TSPAN18: variants seen among roughly 807,000 people sequenced by gnomAD.
TSPAN18 encodes the protein tetraspanin-18.
In TSPAN18, 14 loss-of-function variants were observed where a neutral mutation model predicts 27.3. The observed-to-expected ratio is 0.51, with a 90% confidence interval of 0.34 to 0.80. TSPAN18 has a LOEUF of 0.80. Ranked by LOEUF, TSPAN18 falls within the 30% of genes least tolerant of loss-of-function variation. TSPAN18 has a pLI of 0.01. For synonymous variants in TSPAN18, 143 were observed against 136.5 expected (o/e 1.05, Z -0.33); for missense variants, 268 against 323.9 (o/e 0.83, Z 1.32).
intron 2 of TSPAN18, among the ~76,000 whole-genome samples, chr11:44,815,981 GTGCAGCACAAA>G (rs1480409043): frequency 3.4e-4 from 52 of 152,224 alleles, no homozygotes; most frequent in African/African-American, 1.2e-3. Context: ...CAGTGTCCGT[GTGCAGCACAAA>G]TGCAGTGGGG....
At chr11:44,738,444 T>G (rs977040015) in intron 1 of TSPAN18, among the ~76,000 whole-genome samples, 2 of 152,234 alleles carry the variant, frequency 1.3e-5, no homozygotes, top group South Asian at 2.1e-4. Flanking sequence ...CTGTGCCTCA[T>G]TTTCCCATCA....
chr11:44,823,408 G>A (rs1000133459), intron 2 of TSPAN18, among the ~76,000 whole-genome samples: 3 of 152,204 alleles, frequency 2.0e-5, no homozygotes, highest in East Asian at 3.9e-4. Context: ...GAAGTCGGGT[G>A]GTTTCTCTCC....
intron 1 of TSPAN18, among the ~76,000 whole-genome samples, chr11:44,732,657 TG>T (rs1854691572): frequency 6.6e-6 from 1 of 152,124 alleles, no homozygotes; most frequent in Non-Finnish European, 1.5e-5. Context: ...AAGAGTTTTT[TG>T]GGACATGGCT....
rs1491153962 is a variant in TSPAN18, at chr11:44,908,806, A to AG, written c.64-898dup. On this transcript the variant is annotated intron_variant, in intron 4 of 9. Coordinates refer to ENST00000520358, the MANE Select transcript of TSPAN18 (RefSeq NM_130783.5). ...AAGAAAGAAAGAAAGAAAGAAAGAAAGAAAGAAAGAAAGAAAGAAAGAAAA... is the reference window on the plus strand; with the variant it reads ...AAGAAAGAAAGAAAGAAAGAAAGAAAGGAAAGAAAGAAAGAAAGAAAGAAAA... 3.5e-5 allele frequency among the ~76,000 whole-genome samples: 4 copies of AG among 114,502 alleles called. 1 individual carries two copies. The highest frequency in any genetic ancestry group is 1.2e-4 in the African/African-American group (3 of 25,684). The allele number at this position is 114,502 out of a possible 152,430, so 75.1% of individuals were successfully genotyped here. A position where few individuals can be genotyped will look rare whatever the true frequency, so the allele number is the denominator to read the frequency against.
chr11:44,772,865 T>C (rs142453619), intron 2 of TSPAN18, among the ~76,000 whole-genome samples: 4 of 151,682 alleles, frequency 2.6e-5, no homozygotes, highest in African/African-American at 7.3e-5. Flanking sequence ...TCCGTGTTGG[T>C]CAGGCTGGTC....
At chr11:44,859,490 C>G (rs1220305554) in intron 2 of TSPAN18, 1 of 152,216 alleles carries the variant, frequency 6.6e-6, no homozygotes, top group East Asian at 1.9e-4. Flanking sequence ...GGACACCTGA[C>G]TTGCCTCTTC....
chr11:44,922,595 G>A (rs1229963185), intron 8 of TSPAN18, among the ~76,000 whole-genome samples: 1 of 152,166 alleles, frequency 6.6e-6, no homozygotes, highest in Non-Finnish European at 1.5e-5. Flanking sequence ...GGGTAGACAG[G>A]GGGCTTTTAT....
chr11:44,919,626 A>T, intron 7 of TSPAN18, 191 bp from the exon 8 acceptor site: 1 of 650,120 alleles, frequency 1.5e-6, no homozygotes, highest in Non-Finnish European at 2.7e-6. Flanking sequence ...CACCTCTGTT[A>T]TAGAGATGAG....
chr11:44,856,341 C>T (rs1164382905), intron 2 of TSPAN18, among the ~76,000 whole-genome samples: 1 of 152,212 alleles, frequency 6.6e-6, no homozygotes, highest in Non-Finnish European at 1.5e-5. Flanking sequence ...CCCACTCTGC[C>T]CCAACAGGCG....
At chr11:44,915,675 T>G (rs540446711) in intron 5 of TSPAN18, among the ~76,000 whole-genome samples, 1 of 152,238 alleles carries the variant, frequency 6.6e-6, no homozygotes, top group South Asian at 2.1e-4. Context: ...TCCCTGAGCC[T>G]CGCCCTGCAT....
chr11:44,860,761 C>T (rs183329852), intron 3 of TSPAN18, among the ~76,000 whole-genome samples: 1 of 152,260 alleles, frequency 6.6e-6, no homozygotes, highest in Non-Finnish European at 1.5e-5. Flanking sequence ...AGGTTGCTGG[C>T]CCATGCCCCT....
intron 4 of TSPAN18, among the ~76,000 whole-genome samples, chr11:44,907,921 A>G (rs1289212007): frequency 2.0e-5 from 3 of 152,036 alleles, no homozygotes; most frequent in African/African-American, 4.8e-5. Context: ...CATGCGTGGT[A>G]GCGGGTGCCT....
chr11:44,855,382 CTT>C (rs1857708225), intron 2 of TSPAN18, among the ~76,000 whole-genome samples: 1 of 152,084 alleles, frequency 6.6e-6, no homozygotes. Context: ...GCTTCAGTGT[CTT>C]TATTTGTAAT....
intron 3 of TSPAN18, among the ~76,000 whole-genome samples, chr11:44,866,153 CCAAGTGAACA>C (rs1858030628): frequency 6.6e-6 from 1 of 152,244 alleles, no homozygotes; most frequent in Non-Finnish European, 1.5e-5. Context: ...AGGCCCAGGT[CCAAGTGAACA>C]CAATTGGCAT....
intron 9 of TSPAN18, among the ~76,000 whole-genome samples, chr11:44,928,275 T>G (rs1305717320): frequency 6.6e-6 from 1 of 152,240 alleles, no homozygotes; most frequent in African/African-American, 2.4e-5. Flanking sequence ...GCAGTCCTGG[T>G]AACCTTTTAC....
At chr11:44,747,871 C>T (rs1397101997) in intron 1 of TSPAN18, among the ~76,000 whole-genome samples, 1 of 152,028 alleles carries the variant, frequency 6.6e-6, no homozygotes, top group African/African-American at 2.4e-5. Flanking sequence ...GTTTCCACTA[C>T]ACACACACAC....
chr11:44,755,364 CA>C (rs1855307276), intron 1 of TSPAN18, among the ~76,000 whole-genome samples: 1 of 152,154 alleles, frequency 6.6e-6, no homozygotes, highest in African/African-American at 2.4e-5. Context: ...CACAATTAAC[CA>C]GGCTGATTGG....
At chr11:44,738,610 G>A (rs1291892901) in intron 1 of TSPAN18, among the ~76,000 whole-genome samples, 2 of 152,226 alleles carry the variant, frequency 1.3e-5, no homozygotes, top group Admixed American at 6.5e-5. Context: ...CTTGGCTTGC[G>A]GATGGCCACT....
intron 2 of TSPAN18, among the ~76,000 whole-genome samples, chr11:44,787,039 G>A (rs1326969896): frequency 6.6e-6 from 1 of 152,196 alleles, no homozygotes; most frequent in Non-Finnish European, 1.5e-5. Flanking sequence ...GGCCTAATTA[G>A]GAAGGCATAC....
Sources: allele counts gnomAD v4.1 joint callset (sites outside exome capture counted in the v4.1 genomes callset), GRCh38; gene constraint gnomAD v4.1.1; transcripts MANE v1.5; gene names NCBI Gene and HGNC (gene_info 2026-07-23, HGNC 2026-07-21).